The following ATG7 variants were observed in gnomAD, a reference collection of about 807,000 sequenced individuals.
The protein encoded by ATG7 is autophagy related 7, also known as ubiquitin-like modifier-activating enzyme ATG7.
Under a neutral mutation model 82.4 loss-of-function variants are expected in ATG7, and 70 were observed. That is an observed-to-expected ratio of 0.85 (90% CI 0.70 to 1.04). The LOEUF (loss-of-function observed/expected upper bound fraction) is 1.04, where lower values mean the gene tolerates loss of function less well. Ranked by LOEUF, ATG7 falls within the 50% of genes least tolerant of loss-of-function variation. ATG7 has a pLI of 0.00. For missense variants in ATG7, 792 were observed against 864.3 expected (o/e 0.92, Z 1.05); for synonymous variants, 287 against 313.0 (o/e 0.92, Z 0.88).
At chr3:11,406,657 A>G (rs1039847017) in intron 19 of ATG7, among the ~76,000 whole-genome samples, 2 of 152,188 alleles carry the variant, frequency 1.3e-5, no homozygotes, top group African/African-American at 4.8e-5. Context: ...ACAGTTCCAC[A>G]TGGCTGGGGA....
chr3:11,561,891 CTTTTTTTT>C (rs35380668), downstream of ATG7, among the ~76,000 whole-genome samples: 8 of 88,608 alleles, frequency 9.0e-5, no homozygotes, highest in East Asian at 3.8e-4. Context: ...CTGCGCCAAA[CTTTTTTTT>C]TTTTTTTTTT....
At chr3:11,358,770 GCA>G (rs749987934) in intron 15 of ATG7, among the ~76,000 whole-genome samples, 158 bp downstream of exon 15, 17 of 152,226 alleles carry the variant, frequency 1.1e-4, no homozygotes, top group Non-Finnish European at 2.1e-4. Flanking sequence ...TCTTTGCCTC[GCA>G]CACCATCACC....
intron 20 of ATG7, among the ~76,000 whole-genome samples, chr3:11,511,674 G>A (rs533986882): frequency 3.1e-4 from 47 of 152,310 alleles, no homozygotes; most frequent in South Asian, 2.7e-3. Flanking sequence ...GGCTCCGGCC[G>A]CACAGGAGCC....
At chr3:11,277,241 A>C (rs1942005858) in intron 1 of ATG7, 1 of 152,126 alleles carries the variant, frequency 6.6e-6, no homozygotes, top group Admixed American at 6.5e-5. Context: ...ACTGCTGTGG[A>C]TTGCCTTTAC....
At chr3:11,430,170 A>G (rs2082742117) in intron 20 of ATG7, among the ~76,000 whole-genome samples, 1 of 152,126 alleles carries the variant, frequency 6.6e-6, no homozygotes, top group Non-Finnish European at 1.5e-5. Context: ...TATTTTTCTT[A>G]ACTCTGAATA....
chr3:11,501,580 T>A (rs930391243), intron 20 of ATG7, among the ~76,000 whole-genome samples: 1 of 152,214 alleles, frequency 6.6e-6, no homozygotes, highest in Non-Finnish European at 1.5e-5. Flanking sequence ...TATGGTTGTA[T>A]AGGAAAATGG....
chr3:11,392,573 G>T (rs948735643), intron 19 of ATG7, among the ~76,000 whole-genome samples: 4 of 152,076 alleles, frequency 2.6e-5, no homozygotes, highest in African/African-American at 9.7e-5. Flanking sequence ...CCCAGGCCCA[G>T]CAAAACCCAC....
intron 20 of ATG7, among the ~76,000 whole-genome samples, chr3:11,549,735 G>A (rs866821174): frequency 5.9e-5 from 9 of 152,164 alleles, no homozygotes; most frequent in South Asian, 2.1e-4. Flanking sequence ...ATGTGTTTTC[G>A]TTTCTTTGGA....
At chr3:11,434,805 A>AG (rs1336196878) in intron 20 of ATG7, among the ~76,000 whole-genome samples, 1 of 152,202 alleles carries the variant, frequency 6.6e-6, no homozygotes, top group Non-Finnish European at 1.5e-5. Flanking sequence ...GCGAGAAAGA[A>AG]GGGGGGAAAT....
intron 19 of ATG7, among the ~76,000 whole-genome samples, chr3:11,389,796 A>G (rs1271972957): frequency 2.0e-5 from 3 of 152,248 alleles, no homozygotes; most frequent in Non-Finnish European, 2.9e-5. Flanking sequence ...ACCTGTCGTC[A>G]TAAGTCTTGG....
chr3:11,363,241 CTTTT>C (rs111618869), intron 17 of ATG7: 28 of 156,426 alleles, frequency 1.8e-4, no homozygotes, highest in Non-Finnish European at 3.4e-4. Flanking sequence ...CTCCTTCAAT[CTTTT>C]TTTTTTTTTT....
chr3:11,389,456 T>TTTAA (rs1553639659), intron 19 of ATG7, among the ~76,000 whole-genome samples: 1 of 146,838 alleles, frequency 6.8e-6, no homozygotes, highest in African/African-American at 2.6e-5. Context: ...TTTTTTTTTT[T>TTTAA]AACACAGAAT....
intron 11 of ATG7, among the ~76,000 whole-genome samples, chr3:11,339,507 C>T (rs1953162940): frequency 6.6e-6 from 1 of 151,784 alleles, no homozygotes; most frequent in Non-Finnish European, 1.5e-5. Context: ...TTATTGTGAG[C>T]AGTGGGAATT....
At chr3:11,308,577 G>A (rs1481475124) in intron 6 of ATG7, 7 of 172,006 alleles carry the variant, frequency 4.1e-5, no homozygotes, top group Non-Finnish European at 8.7e-5. Flanking sequence ...ATACATTTAC[G>A]CCAGTCTCTC....
chr3:11,395,681 C>A (rs187755984), intron 19 of ATG7, among the ~76,000 whole-genome samples: 18 of 152,272 alleles, frequency 1.2e-4, no homozygotes, highest in Admixed American at 9.8e-4. Flanking sequence ...TGGCTCACGC[C>A]TGTAATCCCA....
intron 20 of ATG7, among the ~76,000 whole-genome samples, chr3:11,485,361 A>G (rs1162602018): frequency 2.0e-5 from 3 of 152,234 alleles, no homozygotes; most frequent in South Asian, 4.1e-4. Flanking sequence ...GTCTGTTCAT[A>G]TTCTTCGCCC....
chr3:11,422,909 T>A (rs1228622800), intron 19 of ATG7, among the ~76,000 whole-genome samples: 1 of 151,924 alleles, frequency 6.6e-6, no homozygotes, highest in Non-Finnish European at 1.5e-5. Flanking sequence ...CGTGCGCCAC[T>A]ATGCCCAGCT....
intron 16 of ATG7, among the ~76,000 whole-genome samples, chr3:11,361,571 C>T (rs1239891527): frequency 1.3e-5 from 2 of 152,164 alleles, no homozygotes; most frequent in African/African-American, 2.4e-5. Flanking sequence ...GTGTGAGCCA[C>T]CACGCTTAGC....
At chr3:11,565,075 T>G in the ATG7 span, 1 of 1,420,854 alleles carries the variant, frequency 7.0e-7, no homozygotes, top group African/African-American at 1.5e-5. This position sits in a 1 kb window ranked among gnomAD's most constrained non-coding sequence, Gnocchi z 4.1. Flanking sequence ...AAGGGGACAG[T>G]GACTGTGCGC....
Sources: gnomAD v4.1 joint callset for allele counts (sites outside exome capture counted in the v4.1 genomes callset) on GRCh38, gnomAD v4.1.1 for gene constraint, Gnocchi (gnomAD v3.1) non-coding constraint, MANE v1.5 for transcripts, NCBI Gene and HGNC (gene_info 2026-07-23, HGNC 2026-07-21) for gene names.